Variants in SLCO3A1 observed in about 807,000 individuals in gnomAD.
SLCO3A1 encodes the protein solute carrier organic anion transporter family member 3A1, also known as PGE1 transporter.
A neutral mutation model predicts 63.1 loss-of-function variants in SLCO3A1; 27 were observed. That is an observed-to-expected ratio of 0.43 (90% CI 0.32 to 0.59). SLCO3A1 has a LOEUF of 0.59. Among genes scored for constraint, SLCO3A1 ranks in the 20% least tolerant of loss-of-function variants. SLCO3A1 has a pLI of 0.09. For synonymous variants in SLCO3A1, 473 were observed against 409.9 expected (o/e 1.15, Z -1.86); for missense variants, 773 against 945.8 (o/e 0.82, Z 2.40).
chr15:92,014,097 G>A (rs74030408), intron 2 of SLCO3A1, among the ~76,000 whole-genome samples: 3,038 of 152,218 alleles, frequency 0.02, 99 homozygotes, highest in African/African-American at 0.07. Context: ...CCAGGCTAAA[G>A]CTTAAACCTG....
At chr15:92,144,650 G>T (rs543915413) in intron 7 of SLCO3A1, among the ~76,000 whole-genome samples, 1 of 152,346 alleles carries the variant, frequency 6.6e-6, no homozygotes, top group South Asian at 2.1e-4. Context: ...CCGCAAGGTG[G>T]CATATGCTGG....
intron 2 of SLCO3A1, among the ~76,000 whole-genome samples, chr15:92,001,360 G>T (rs1030480532): frequency 1.3e-5 from 2 of 152,112 alleles, no homozygotes; most frequent in Admixed American, 1.3e-4. Flanking sequence ...CTGCTTCCTT[G>T]GTGCTTGTGG....
Position 92,162,706 on chromosome 15 carries a change from G to T in SLCO3A1, c.1754-50G>T, listed in dbSNP as rs752940387. 2.6e-6 allele frequency: 4 copies of T among 1,563,034 alleles called. No individual in the cohort carries two copies. The South Asian group carries it at 3.7e-5, about 14-fold the overall frequency. ...AAGCTAGGCAGAGACAGGAACAGGG[G>T]AGCACTGGCCACCAGATCCAGAACC... On this transcript the variant is annotated intron_variant, in intron 9 of 9. Coordinates refer to ENST00000318445, the MANE Select transcript of SLCO3A1 (RefSeq NM_013272.4).
chr15:92,123,713 G>A (rs1462320171), intron 5 of SLCO3A1, among the ~76,000 whole-genome samples: 1 of 152,198 alleles, frequency 6.6e-6, no homozygotes, highest in Non-Finnish European at 1.5e-5. Flanking sequence ...CACCTGAAGA[G>A]TTTATCTCTC....
rs1897310771 is a variant in SLCO3A1 at position 91,872,776 on chromosome 15, A to G, written c.180+18688A>G. On this transcript the variant is annotated intron_variant, in intron 1 of 9. Coordinates refer to ENST00000318445, the MANE Select transcript of SLCO3A1 (RefSeq NM_013272.4). The surrounding 1 kb of genome is among the most constrained non-coding windows in gnomAD (Gnocchi z 4.1). The stretch of plus-strand genomic sequence containing the variant: ...ACTCTCTCTTTTAAACTGAGGGAAA[A>G]GGTAATGAACATTGAACATGACTTT... Among the ~76,000 whole-genome samples the G allele has an allele frequency of 6.6e-6, 1 of 152,252 alleles. No homozygotes were observed. The highest frequency in any genetic ancestry group is 2.1e-4 in the South Asian group (1 of 4,836).
chr15:92,085,090 T>A (rs1208434251), intron 2 of SLCO3A1, among the ~76,000 whole-genome samples: 1 of 152,218 alleles, frequency 6.6e-6, no homozygotes, highest in African/African-American at 2.4e-5. Context: ...CACACTACTT[T>A]TCAGATGCAG....
At chr15:91,930,371 T>G (rs989885387) in intron 2 of SLCO3A1, among the ~76,000 whole-genome samples, 1 of 152,186 alleles carries the variant, frequency 6.6e-6, no homozygotes, top group African/African-American at 2.4e-5. Context: ...GGCTGTGAAC[T>G]TTATGAACCC....
chr15:92,109,668 TAGC>T (rs2047705818), intron 4 of SLCO3A1, among the ~76,000 whole-genome samples: 1 of 152,206 alleles, frequency 6.6e-6, no homozygotes, highest in Admixed American at 6.5e-5. Flanking sequence ...CCAGAAAAGA[TAGC>T]AGGTGCCAGC....
chr15:92,002,451 G>A (rs964075224), intron 2 of SLCO3A1, among the ~76,000 whole-genome samples: 9 of 152,128 alleles, frequency 5.9e-5, no homozygotes, highest in African/African-American at 2.2e-4. Flanking sequence ...AGTCCATAAG[G>A]CCCAGGTGAT....
rs142910455 is a variant in SLCO3A1 at position 91,983,672 on chromosome 15, G to C, written c.646+67214G>C. On this transcript the variant is annotated intron_variant, in intron 2 of 9. Coordinates refer to ENST00000318445, the MANE Select transcript of SLCO3A1 (RefSeq NM_013272.4). ...GTGGTGTGGGGAGGCCACGGGGACT[G>C]TAACTCTGTGAAAATCAGTGTTTAA... Among the ~76,000 whole-genome samples, 318 of 152,282 alleles carry C rather than the reference G, an allele frequency of 2.1e-3. 4 individuals are homozygous for C. Among genetic ancestry groups the C allele is most frequent in the African/African-American group, 7.3e-3 (304 of 41,558 alleles).
chr15:91,944,298 G>C (rs1481652146), intron 2 of SLCO3A1, among the ~76,000 whole-genome samples: 1 of 152,078 alleles, frequency 6.6e-6, no homozygotes, highest in Non-Finnish European at 1.5e-5. Context: ...TCCCCCTTTG[G>C]AATGTGAGCC....
At chr15:92,151,256 G>A (rs921092886) in intron 9 of SLCO3A1, 16 of 404,312 alleles carry the variant, frequency 4.0e-5, no homozygotes, top group Admixed American at 2.1e-4. Flanking sequence ...AATTCTCATC[G>A]GCATAAGGAG....
At chr15:92,144,549 C>A (rs1432084076) in intron 7 of SLCO3A1, among the ~76,000 whole-genome samples, 1 of 152,224 alleles carries the variant, frequency 6.6e-6, no homozygotes, top group African/African-American at 2.4e-5. Flanking sequence ...TTTCCTTACG[C>A]AACGGTAACT....
chr15:92,055,234 A>G (rs1199700156), intron 2 of SLCO3A1, among the ~76,000 whole-genome samples: 1 of 152,132 alleles, frequency 6.6e-6, no homozygotes, highest in African/African-American at 2.4e-5. Context: ...TGTTGGCTGC[A>G]TAAATGTCTT....
intron 2 of SLCO3A1, among the ~76,000 whole-genome samples, chr15:92,078,623 T>C (rs1398309321): frequency 6.6e-6 from 1 of 152,260 alleles, no homozygotes; most frequent in African/African-American, 2.4e-5. Flanking sequence ...AGGCTGTTCC[T>C]GCCTTCTTCC....
chr15:91,896,413 A>T (rs1898006003), intron 1 of SLCO3A1, among the ~76,000 whole-genome samples: 1 of 152,160 alleles, frequency 6.6e-6, no homozygotes. Flanking sequence ...TGACACTTGG[A>T]GGTTGATAGG....
intron 2 of SLCO3A1, among the ~76,000 whole-genome samples, chr15:92,040,250 C>G (rs549780657): frequency 2.6e-5 from 4 of 152,254 alleles, no homozygotes; most frequent in Non-Finnish European, 5.9e-5. Context: ...ATTTGGCACC[C>G]AGCTTCATTA....
At chr15:92,030,014 C>T (rs934574235) in intron 2 of SLCO3A1, among the ~76,000 whole-genome samples, 1 of 152,180 alleles carries the variant, frequency 6.6e-6, no homozygotes, top group Admixed American at 6.5e-5. Context: ...AAAATGTCCT[C>T]GGCTACATTT....
At chr15:92,044,616 C>T (rs560569773) in intron 2 of SLCO3A1, among the ~76,000 whole-genome samples, 1 of 152,208 alleles carries the variant, frequency 6.6e-6, no homozygotes, top group South Asian at 2.1e-4. Flanking sequence ...CTTCCTCCTC[C>T]TAGGTCCATG....
Sources: gnomAD v4.1 joint callset for allele counts (sites outside exome capture counted in the v4.1 genomes callset) on GRCh38, gnomAD v4.1.1 for gene constraint, Gnocchi (gnomAD v3.1) non-coding constraint, MANE v1.5 for transcripts, NCBI Gene and HGNC (gene_info 2026-07-23, HGNC 2026-07-21) for gene names.